The following PRDM1 variants were observed in gnomAD, a reference collection of about 807,000 sequenced individuals.
PRDM1 encodes PR domain zinc finger protein 1.
PRDM1 carries 13 observed loss-of-function variants against 62.8 expected under a neutral mutation model. That is an observed-to-expected ratio of 0.21 (90% CI 0.13 to 0.33). The LOEUF is 0.33. Ranked by LOEUF, PRDM1 falls within the 10% of genes least tolerant of loss-of-function variation. PRDM1 has a pLI of 1.00. For missense variants in PRDM1, 895 were observed against 1,058.8 expected (o/e 0.85, Z 2.15); for synonymous variants, 396 against 417.6 (o/e 0.95, Z 0.63).
chr6:106,023,930 A>G (rs1772731302), intron 1 of PRDM1, among the ~76,000 whole-genome samples: 1 of 152,124 alleles, frequency 6.6e-6, no homozygotes, highest in African/African-American at 2.4e-5. Context: ...TTACTTGAGA[A>G]CAGGAGTTTG....
intron 1 of PRDM1, among the ~76,000 whole-genome samples, chr6:106,006,639 T>TC (rs1233374687): frequency 6.6e-6 from 1 of 151,956 alleles, no homozygotes; most frequent in African/African-American, 2.4e-5. Flanking sequence ...CCAGATACCA[T>TC]CAAAGTATCC....
At chr6:105,995,752 T>C (rs527632185) in intron 1 of PRDM1, among the ~76,000 whole-genome samples, 1 of 152,302 alleles carries the variant, frequency 6.6e-6, no homozygotes, top group South Asian at 2.1e-4. Flanking sequence ...CAGCTAGACT[T>C]GGTTCTTTAA....
intron 3 of PRDM1, chr6:106,098,700 C>T: frequency 2.9e-6 from 4 of 1,377,986 alleles, no homozygotes; most frequent in Non-Finnish European, 2.9e-6. Flanking sequence ...ACCTTTGCCC[C>T]ACCCAGTGTT....
rs1197293471 is a variant in PRDM1 at position 106,109,277 on chromosome 6, G to A, written c.*1791G>A. On this transcript the variant is annotated 3_prime_UTR_variant, in exon 7 of 7. Transcript: ENST00000369096. ...AGATACATCATTTTTTAGTATTAAG[G>A]ACCATCTAAGACAGCTCTATTTTTT... The A allele has an allele frequency of 2.2e-5, 5 of 232,390 alleles. No homozygotes were observed. In the East Asian group the frequency reaches 2.4e-4, roughly 11 times the overall value. 14.4% of individuals were successfully genotyped at this position (232,390 alleles called of 1,614,324 possible). A position where few individuals can be genotyped will look rare whatever the true frequency, so the allele number is the denominator to read the frequency against.
intron 1 of PRDM1, among the ~76,000 whole-genome samples, chr6:106,020,326 GTCCAGTTCCC>G (rs1449871776): frequency 6.6e-6 from 1 of 151,692 alleles, no homozygotes; most frequent in Non-Finnish European, 1.5e-5. Context: ...TTGAGACAGG[GTCCAGTTCCC>G]TCACCCAGGC....
chr6:106,087,809 T>C (rs1303887054), intron 1 of PRDM1: 5 of 235,346 alleles, frequency 2.1e-5, no homozygotes, highest in African/African-American at 1.1e-4. Context: ...GACACTTTTC[T>C]GAGGCAGCTT....
chr6:106,077,498 A>G lies in PRDM1; in HGVS notation c.-66-10703A>G, dbSNP rs1562160892. On this transcript the variant is annotated intron_variant, in intron 1 of 6. Coordinates refer to the PRDM1 transcript ENST00000651185. The stretch of plus-strand genomic sequence containing the variant: ...CCAGGTGTCTGGGGCCATGCCTAGC[A>G]CTGTCACCATCACCCAGCAACTCTG... Among the ~76,000 whole-genome samples, 4 of 152,240 alleles carry G rather than the reference A, an allele frequency of 2.6e-5. No homozygotes were observed. The South Asian group carries it at 8.3e-4, about 32-fold the overall frequency.
intron 1 of PRDM1, among the ~76,000 whole-genome samples, chr6:106,001,980 G>A (rs988470396): frequency 1.3e-5 from 2 of 151,986 alleles, no homozygotes; most frequent in African/African-American, 4.8e-5. Flanking sequence ...TGCAGTATGT[G>A]GTTGATACCA....
intron 1 of PRDM1, among the ~76,000 whole-genome samples, chr6:106,077,993 A>C (rs1773630798): frequency 6.6e-6 from 1 of 152,148 alleles, no homozygotes; most frequent in African/African-American, 2.4e-5. Flanking sequence ...TACTTTTTTC[A>C]CTGGTATTTA....
intron 1 of PRDM1, among the ~76,000 whole-genome samples, chr6:106,073,157 C>T (rs1241223693): frequency 6.6e-6 from 1 of 150,432 alleles, no homozygotes; most frequent in Non-Finnish European, 1.5e-5. Flanking sequence ...CTCTGTCGCC[C>T]AGGCTGGAGT....
At chr6:106,051,899 T>A (rs966884720) in intron 1 of PRDM1, among the ~76,000 whole-genome samples, 3 of 152,334 alleles carry the variant, frequency 2.0e-5, no homozygotes, top group Non-Finnish European at 2.9e-5. Context: ...CACGAAAAAA[T>A]TAATGTTATG....
intron 1 of PRDM1, among the ~76,000 whole-genome samples, chr6:106,060,365 C>T (rs1007050101): frequency 1.3e-5 from 2 of 152,134 alleles, no homozygotes; most frequent in Non-Finnish European, 2.9e-5. Flanking sequence ...CATTTGGTAA[C>T]TTGGAAGTCA....
At chr6:106,040,351 G>A (rs192787648) in intron 1 of PRDM1, among the ~76,000 whole-genome samples, 2 of 152,224 alleles carry the variant, frequency 1.3e-5, no homozygotes, top group South Asian at 2.1e-4. Context: ...TGGGGTTGCT[G>A]GAATAAACAC....
chr6:106,033,489 T>G (rs1272620340), intron 1 of PRDM1, among the ~76,000 whole-genome samples: 1 of 152,072 alleles, frequency 6.6e-6, no homozygotes, highest in African/African-American at 2.4e-5. Flanking sequence ...TTAGTATGTT[T>G]TTTTCTTTAA....
At chr6:106,096,044 G>A (rs10046286) in intron 3 of PRDM1, 8 of 244,242 alleles carry the variant, frequency 3.3e-5, no homozygotes, top group South Asian at 9.0e-5. Context: ...GCATTTCTCC[G>A]CAAGGAAGTA....
At chr6:106,064,504 C>T (rs1489649980) in intron 1 of PRDM1, among the ~76,000 whole-genome samples, 1 of 152,178 alleles carries the variant, frequency 6.6e-6, no homozygotes, top group Non-Finnish European at 1.5e-5. Context: ...CAGAATAATT[C>T]TACTCCTATG....
intron 1 of PRDM1, among the ~76,000 whole-genome samples, chr6:106,001,973 A>G (rs1424122454): frequency 1.3e-5 from 2 of 152,188 alleles, no homozygotes; most frequent in Non-Finnish European, 2.9e-5. Context: ...ACTGAAATGC[A>G]GTATGTGGTT....
chr6:106,028,702 A>G (rs909110394), intron 1 of PRDM1, among the ~76,000 whole-genome samples: 1 of 152,208 alleles, frequency 6.6e-6, no homozygotes, highest in Non-Finnish European at 1.5e-5. Flanking sequence ...CCACAGACAC[A>G]TGTGATGTCA....
At chr6:106,101,964 AG>A (rs1257399176) in intron 4 of PRDM1, among the ~76,000 whole-genome samples, 1 of 152,158 alleles carries the variant, frequency 6.6e-6, no homozygotes, top group African/African-American at 2.4e-5. Context: ...CAAATTTGGC[AG>A]GGGGGGAGGT....
Sources: allele counts gnomAD v4.1 joint callset (sites outside exome capture counted in the v4.1 genomes callset), GRCh38; gene constraint gnomAD v4.1.1; transcripts MANE v1.5; gene names NCBI Gene and HGNC (gene_info 2026-07-23, HGNC 2026-07-21).